ARID4A: variants seen among roughly 807,000 people sequenced by gnomAD.
ARID4A encodes the protein AT-rich interactive domain-containing protein 4A.
In ARID4A, 39 loss-of-function variants were observed where a neutral mutation model predicts 148.6. The ratio of observed to expected loss-of-function variants is 0.26; its 90% CI spans 0.20 to 0.34. ARID4A has a LOEUF of 0.34. Ranked by LOEUF, ARID4A falls within the 10% of genes least tolerant of loss-of-function variation. The pLI is 1.00. For synonymous variants in ARID4A, 475 were observed against 481.2 expected (o/e 0.99, Z 0.17); for missense variants, 1,265 against 1,449.1 (o/e 0.87, Z 2.06).
intron 11 of ARID4A, among the ~76,000 whole-genome samples, chr14:58,331,993 CT>C (rs1368213653): frequency 1.2e-5 from 1 of 81,186 alleles, no homozygotes; most frequent in African/African-American, 4.0e-5. Flanking sequence ...TGCATTTTCC[CT>C]ACCCCCCCCC....
At chr14:58,329,945 T>C in intron 10 of ARID4A, 58 bp from the exon 11 acceptor site, 1 of 1,537,516 alleles carries the variant, frequency 6.5e-7, no homozygotes, top group Non-Finnish European at 8.7e-7. Context: ...CCATGCCTTT[T>C]CTATTGTTCT....
rs796688776 is a variant in ARID4A at position 58,352,804 on chromosome 14, T to C, written c.1656-854T>C. 1.3e-4 allele frequency among the ~76,000 whole-genome samples: 20 copies of C among 152,304 alleles called. 1 individual carries two copies. Among genetic ancestry groups the C allele is most frequent in the African/African-American group, 4.8e-4 (20 of 41,584 alleles). On this transcript the variant is annotated intron_variant, in intron 16 of 23. Transcript: ENST00000355431. Reference sequence around the variant, plus strand: ...AATGATCTTTGATGCAGTTCTCCTATAAGTCTTTACAGGATTGATACACAA... The same window carrying C: ...AATGATCTTTGATGCAGTTCTCCTACAAGTCTTTACAGGATTGATACACAA...
chr14:58,328,011 C>G (rs1486358836), intron 8 of ARID4A, among the ~76,000 whole-genome samples: 1 of 152,066 alleles, frequency 6.6e-6, no homozygotes, highest in Non-Finnish European at 1.5e-5. Flanking sequence ...AATCTAATGA[C>G]TATGGATAAA....
In ARID4A at chr14:58,365,576, C is replaced by T. The variant is rs1433760577; in HGVS notation, c.3270C>T (p.Thr1090=). ...TAATGGCAAAAAAGCAAAAGCGTAC[C>T]CCAAAGCGAACAAGTGCTGCAGCCA... ...SGLMAKKQKR[T]PKRTSAAAKN... is the part of the protein sequence containing the mutation. Residue 1090 remains threonine (T), a synonymous_variant, in exon 21 of 24, where the codon ACC becomes ACT. Transcript: ENST00000355431. 7 of 1,610,352 alleles carry T rather than the reference C, an allele frequency of 4.3e-6. No homozygotes were observed. In the East Asian group the frequency reaches 6.7e-5, roughly 15 times the overall value.
chr14:58,316,297 A>AT (rs1439558295), intron 5 of ARID4A, among the ~76,000 whole-genome samples: 1 of 152,170 alleles, frequency 6.6e-6, no homozygotes, highest in African/African-American at 2.4e-5. Context: ...TTGGGTACAT[A>AT]TGTATGCTTT....
chr14:58,305,898 A>G, intron 4 of ARID4A, 124 bp from the exon 5 acceptor site: 2 of 678,402 alleles, frequency 2.9e-6, no homozygotes, highest in East Asian at 2.6e-5. Context: ...AAGATCTCAG[A>G]CAGTGTAAGA....
intron 11 of ARID4A, among the ~76,000 whole-genome samples, chr14:58,343,259 T>A (rs938291159): frequency 6.6e-6 from 1 of 152,236 alleles, no homozygotes; most frequent in African/African-American, 2.4e-5. Flanking sequence ...TTAGAACTTA[T>A]ATTTAAATTT....
intron 1 of ARID4A, among the ~76,000 whole-genome samples, chr14:58,298,988 G>A (rs1431053143): frequency 6.6e-6 from 1 of 152,204 alleles, no homozygotes; most frequent in East Asian, 1.9e-4. Flanking sequence ...GCGGTGAAGA[G>A]CGGGCTGCTT....
chr14:58,367,176 T>A, intron 23 of ARID4A, 147 bp downstream of exon 23: 2 of 613,664 alleles, frequency 3.3e-6, no homozygotes, highest in Non-Finnish European at 4.9e-6. Flanking sequence ...TTGAAATGAG[T>A]AGGTCAGCAA....
chr14:58,354,410 T>TG (rs1215498486), intron 17 of ARID4A, among the ~76,000 whole-genome samples: 1 of 152,126 alleles, frequency 6.6e-6, no homozygotes, highest in Non-Finnish European at 1.5e-5. Context: ...AGGCAGGGCA[T>TG]GGGGGCTCTT....
At position 58,371,994 on chromosome 14, in the gene ARID4A, C is replaced by T. The variant is rs942934254; in HGVS notation, c.*5C>T. ...CTTGCTGTAGAATGCAGGTGATAAA[C>T]ATTTTCTCTACCTTCCCAGCAGTTT... On this transcript the variant is annotated 3_prime_UTR_variant, in exon 24 of 24. Transcript: ENST00000355431. 6.3e-7 allele frequency: 1 copy of T among 1,576,910 alleles called. No homozygotes were observed. Among genetic ancestry groups the T allele is most frequent in the Non-Finnish European group, 8.7e-7 (1 of 1,146,758 alleles).
At chr14:58,355,131 T>C (rs1034541624) in intron 17 of ARID4A, among the ~76,000 whole-genome samples, 1 of 152,200 alleles carries the variant, frequency 6.6e-6, no homozygotes, top group African/African-American at 2.4e-5. Flanking sequence ...CTTGTTCTCT[T>C]TTACAAAATC....
At position 58,364,732 on chromosome 14, in the gene ARID4A, A is replaced by G; in HGVS notation, c.2643A>G (p.Val881=). The change falls in exon 20 of 24, where the codon GTA becomes GTG. Residue 881 remains valine (V), a synonymous_variant. Transcript: ENST00000355431. ...ATGGAATGGAAATGACAAATACTGT[A>G]TCTCAAGAAAGGACCAGTGATTGTA... ...IENGMEMTNT[V]SQERTSDCIG... is the part of the protein sequence containing the mutation. The G allele has an allele frequency of 8.7e-6, 14 of 1,613,950 alleles. No homozygotes were observed. The highest frequency in any genetic ancestry group is 1.2e-5 in the Non-Finnish European group (14 of 1,179,956).
intron 11 of ARID4A, among the ~76,000 whole-genome samples, chr14:58,339,589 CTA>C (rs2034004817): frequency 6.6e-6 from 1 of 152,052 alleles, no homozygotes; most frequent in South Asian, 2.1e-4. Flanking sequence ...GTATTGGAAA[CTA>C]GAGTTGCTAG....
chr14:58,347,581 A>C (rs1410792735), intron 14 of ARID4A, 66 bp from the exon 15 acceptor site: 49 of 1,250,522 alleles, frequency 3.9e-5, no homozygotes, highest in Non-Finnish European at 5.2e-5. Flanking sequence ...AAATGTGTTT[A>C]ATAACATGAA....
intron 5 of ARID4A, among the ~76,000 whole-genome samples, chr14:58,317,346 G>GCAAT (rs1227972658): frequency 1.9e-4 from 28 of 144,900 alleles, no homozygotes; most frequent in Admixed American, 1.9e-3. Context: ...GTGCAGTGGT[G>GCAAT]CAATCTCGGC....
At chr14:58,303,973 T>C (rs1053614643) in intron 3 of ARID4A, among the ~76,000 whole-genome samples, 1 of 151,672 alleles carries the variant, frequency 6.6e-6, no homozygotes, top group Non-Finnish European at 1.5e-5. Flanking sequence ...TAGCCAGACA[T>C]GGTGGTGCAA....
chr14:58,342,410 A>C (rs1275432301), intron 11 of ARID4A, among the ~76,000 whole-genome samples: 1 of 152,208 alleles, frequency 6.6e-6, no homozygotes, highest in Non-Finnish European at 1.5e-5. Flanking sequence ...TAACTTTTAA[A>C]AAAAATACAC....
At chr14:58,350,808 T>C (rs1446450595) in intron 15 of ARID4A, among the ~76,000 whole-genome samples, 1 of 152,160 alleles carries the variant, frequency 6.6e-6, no homozygotes, top group Non-Finnish European at 1.5e-5. Context: ...TTTTTTGTTG[T>C]TGTTGTTTAC....
Sources: allele counts gnomAD v4.1 joint callset (sites outside exome capture counted in the v4.1 genomes callset), GRCh38; gene constraint gnomAD v4.1.1; transcripts MANE v1.5; gene names NCBI Gene and HGNC (gene_info 2026-07-23, HGNC 2026-07-21).